KANSL1L: variants seen among roughly 807,000 people sequenced by gnomAD.
KANSL1L encodes KAT8 regulatory NSL complex subunit 1 like.
In KANSL1L, 25 loss-of-function variants were observed where a neutral mutation model predicts 108.6. That is an observed-to-expected ratio of 0.23 (90% confidence interval 0.17 to 0.32). The LOEUF (loss-of-function observed/expected upper bound fraction) is 0.32. KANSL1L is among the 10% of genes least tolerant of loss of function. The probability of loss-of-function intolerance (pLI) is 1.00; values close to 1 mark genes in which losing one functional copy is unlikely to be tolerated. For synonymous variants in KANSL1L, 405 were observed against 395.1 expected (o/e 1.03, Z -0.30); for missense variants, 1,137 against 1,125.7 (o/e 1.01, Z -0.14).
At chr2:210,034,900 C>G (rs1178869814) in intron 8 of KANSL1L, among the ~76,000 whole-genome samples, 5 of 152,100 alleles carry the variant, frequency 3.3e-5, no homozygotes, top group Admixed American at 6.5e-5. Flanking sequence ...TTCTGTATAC[C>G]CTTTTCTGAA....
intron 5 of KANSL1L, among the ~76,000 whole-genome samples, chr2:210,080,107 A>ATG (rs2094577456): frequency 1.3e-5 from 2 of 150,564 alleles, no homozygotes; most frequent in African/African-American, 4.9e-5. Flanking sequence ...TGATCCTGTC[A>ATG]TACCTGCCCT....
chr2:210,103,732 T>C (rs1304486517), intron 4 of KANSL1L, among the ~76,000 whole-genome samples: 2 of 152,116 alleles, frequency 1.3e-5, no homozygotes, highest in East Asian at 3.9e-4. Flanking sequence ...ACTAAAAATC[T>C]TGTTCAATAA....
At position 210,090,128 on chromosome 2, in the gene KANSL1L, T is replaced by C. The variant is rs148561330; in HGVS notation, c.1550+7958A>G. ...TAAAAGTTTAATATACTTTATGTCCTCACATTACAATATCAATGGCTAACA... is the reference window on the plus strand; with the variant it reads ...TAAAAGTTTAATATACTTTATGTCCCCACATTACAATATCAATGGCTAACA... On this transcript the variant is annotated intron_variant, in intron 5 of 14. Coordinates refer to ENST00000281772, the MANE Select transcript of KANSL1L (RefSeq NM_152519.4). Among the ~76,000 whole-genome samples, 12 of 152,346 alleles carry C rather than the reference T, an allele frequency of 7.9e-5. No individual in the cohort carries two copies. The East Asian group carries it at 2.3e-3, about 29-fold the overall frequency.
chr2:210,079,700 GTA>G (rs796956187), intron 5 of KANSL1L: 59,869 of 75,464 alleles, frequency 0.79, 25,061 homozygotes, highest in Middle Eastern at 0.92. Context: ...ATGTATGTGT[GTA>G]TATATATATA....
At chr2:210,149,334 C>T (rs1219649619) in intron 2 of KANSL1L, among the ~76,000 whole-genome samples, 1 of 152,106 alleles carries the variant, frequency 6.6e-6, no homozygotes, top group East Asian at 1.9e-4. Context: ...CACTAATACT[C>T]ATGTTGCTTA....
rs541634269 is a variant in KANSL1L at position 210,022,546 on chromosome 2, A to T, written c.*403T>A. On this transcript the variant is annotated 3_prime_UTR_variant, in exon 15 of 15. Coordinates refer to ENST00000281772, the MANE Select transcript of KANSL1L (RefSeq NM_152519.4). ...TATATTCTAATATATTACTAAGGCA[A>T]TTTTAATGAATTACCATGTATATAA... 1 of 173,170 alleles carries T rather than the reference A, an allele frequency of 5.8e-6. No individual in the cohort carries two copies. Among genetic ancestry groups the T allele is most frequent in the East Asian group, 1.6e-4 (1 of 6,278 alleles). 10.7% of individuals were successfully genotyped at this position (173,170 alleles called of 1,614,324 possible).
intron 8 of KANSL1L, chr2:210,032,093 T>C (rs912690664): frequency 6.6e-6 from 1 of 152,310 alleles, no homozygotes; most frequent in African/African-American, 2.4e-5. Flanking sequence ...AGCGTTATCA[T>C]GATTGTATAT....
intron 5 of KANSL1L, among the ~76,000 whole-genome samples, chr2:210,093,811 CAAGGGA>C: frequency 6.6e-6 from 1 of 152,132 alleles, no homozygotes; most frequent in South Asian, 2.1e-4. Context: ...TCACAATAGC[CAAGGGA>C]CAGAAGCAAT....
rs540675507 is a variant in KANSL1L, at chr2:210,156,245, T to C, written c.-29-1634A>G. Among the ~76,000 whole-genome samples the C allele has an allele frequency of 7.2e-5, 11 of 152,080 alleles. No individual in the cohort carries two copies. The South Asian group carries it at 2.3e-3, about 32-fold the overall frequency. Reference sequence around the variant, plus strand: ...CCTAGTTTTCCAATCACCAAACTGATAAAAATTTTTTTTTTCTGAAAACAT... The same window carrying C: ...CCTAGTTTTCCAATCACCAAACTGACAAAAATTTTTTTTTTCTGAAAACAT... On this transcript the variant is annotated intron_variant, in intron 1 of 14. Transcript: ENST00000281772.
rs200971902 is a variant in KANSL1L, at chr2:210,139,742, CT to C, written c.1089-10571del. 6.1e-3 allele frequency among the ~76,000 whole-genome samples: 825 copies of C among 134,276 alleles called. 2 individuals are homozygous for C. Among genetic ancestry groups the C allele is most frequent in the Non-Finnish European group, 8.4e-3 (516 of 61,714 alleles). The allele number at this position is 134,276 out of a possible 152,430, so 88.1% of individuals were successfully genotyped here. A position where few individuals can be genotyped will look rare whatever the true frequency, so the allele number is the denominator to read the frequency against. ...TCTATTCAGGTCCTTTGCCCATTTC[CT>C]TTTTTTTTTTTTTTTTGAGACAGGG... On this transcript the variant is annotated intron_variant, in intron 2 of 14. Transcript: ENST00000281772.
intron 1 of KANSL1L, among the ~76,000 whole-genome samples, chr2:210,158,603 T>C (rs899282629): frequency 1.3e-5 from 2 of 152,258 alleles, no homozygotes; most frequent in African/African-American, 2.4e-5. Flanking sequence ...ATATGAAGAC[T>C]TTTAAGCTCT....
chr2:210,153,453 T>C lies in KANSL1L; in HGVS notation c.1088+42A>G, dbSNP rs375826549. Reference sequence around the variant, plus strand: ...CTGGAAACTAAGATAATTGCTGCTATATATGGAACAGAAAATAGTCTAATA... The same window carrying C: ...CTGGAAACTAAGATAATTGCTGCTACATATGGAACAGAAAATAGTCTAATA... On this transcript the variant is annotated intron_variant, in intron 2 of 14. Coordinates refer to ENST00000281772, the MANE Select transcript of KANSL1L (RefSeq NM_152519.4). 9.4e-5 allele frequency: 140 copies of C among 1,489,410 alleles called. No individual in the cohort carries two copies. The East Asian group carries it at 2.7e-3, about 29-fold the overall frequency. 92.3% of individuals were successfully genotyped at this position (1,489,410 alleles called of 1,614,324 possible).
chr2:210,143,071 C>T (rs2095241419), intron 2 of KANSL1L, among the ~76,000 whole-genome samples: 1 of 151,964 alleles, frequency 6.6e-6, no homozygotes. Flanking sequence ...GTATTGCAGT[C>T]TATTTTTTCC....
At chr2:210,107,542 T>G (rs1410528493) in intron 3 of KANSL1L, among the ~76,000 whole-genome samples, 1 of 150,312 alleles carries the variant, frequency 6.7e-6, no homozygotes, top group South Asian at 2.1e-4. Flanking sequence ...ATATTTTTTT[T>G]TTTTGAGACA....
At chr2:210,094,759 ATTC>A (rs1396372046) in intron 5 of KANSL1L, among the ~76,000 whole-genome samples, 1 of 152,056 alleles carries the variant, frequency 6.6e-6, no homozygotes, top group Non-Finnish European at 1.5e-5. Context: ...TAAAAGTTCA[ATTC>A]TTAACTAGTT....
At chr2:210,148,558 C>T (rs1236375064) in intron 2 of KANSL1L, among the ~76,000 whole-genome samples, 3 of 152,124 alleles carry the variant, frequency 2.0e-5, no homozygotes, top group Non-Finnish European at 4.4e-5. Flanking sequence ...AACATAAAGT[C>T]CCTCTATTAT....
chr2:210,063,504 A>C (rs2094439814), intron 6 of KANSL1L, among the ~76,000 whole-genome samples: 1 of 152,230 alleles, frequency 6.6e-6, no homozygotes, highest in African/African-American at 2.4e-5. Flanking sequence ...CCAGACTGTG[A>C]AAGCAGCCAG....
At chr2:210,102,708 G>A (rs373231879) in intron 4 of KANSL1L, among the ~76,000 whole-genome samples, 6 of 152,082 alleles carry the variant, frequency 3.9e-5, no homozygotes, top group South Asian at 2.1e-4. Context: ...CAACAGACAC[G>A]TGAAAAAATG....
chr2:210,161,177 G>A (rs539813782), intron 1 of KANSL1L, among the ~76,000 whole-genome samples: 1 of 151,884 alleles, frequency 6.6e-6, no homozygotes, highest in East Asian at 1.9e-4. Flanking sequence ...TTGTAGAGAT[G>A]GGGTTTCACC....
Sources: gnomAD v4.1 joint callset for allele counts (sites outside exome capture counted in the v4.1 genomes callset) on GRCh38, gnomAD v4.1.1 for gene constraint, MANE v1.5 for transcripts, NCBI Gene and HGNC (gene_info 2026-07-23, HGNC 2026-07-21) for gene names.